The following SCAF11 variants were observed in gnomAD, a reference collection of about 807,000 sequenced individuals.
SCAF11 encodes the protein protein SCAF11.
A neutral mutation model predicts 140.5 loss-of-function variants in SCAF11; 47 were observed. The observed-to-expected ratio is 0.33, with a 90% CI of 0.26 to 0.43. The LOEUF (loss-of-function observed/expected upper bound fraction) is 0.43. SCAF11 is among the 20% of genes least tolerant of loss of function. The pLI is 1.00. For missense variants in SCAF11, 1,645 were observed against 1,705.1 expected (o/e 0.96, Z 0.62); for synonymous variants, 557 against 579.4 (o/e 0.96, Z 0.55).
chr12:45,934,558 A>C (rs750838811), intron 6 of SCAF11, 53 bp from the exon 7 acceptor site: 7 of 1,300,646 alleles, frequency 5.4e-6, no homozygotes, highest in Non-Finnish European at 7.3e-6. Flanking sequence ...TTTATTAAAA[A>C]GGCTGTAAAC....
At chr12:45,975,054 C>G (rs1271270301) in intron 1 of SCAF11, 1 of 152,154 alleles carries the variant, frequency 6.6e-6, no homozygotes, top group African/African-American at 2.4e-5. Context: ...TAAGTAAGTA[C>G]TATGTTGAAA....
Position 45,928,284 on chromosome 12 carries a change from A to AAG in SCAF11, c.1415_1416dup (p.Ser473LeufsTer14). 1 of 1,614,006 alleles carries AAG rather than the reference A, an allele frequency of 6.2e-7. No homozygotes were observed. The highest frequency in any genetic ancestry group is 8.5e-7 in the Non-Finnish European group (1 of 1,179,988). On this transcript the variant is annotated frameshift_variant, in exon 11 of 15. Coordinates refer to ENST00000369367, the MANE Select transcript of SCAF11 (RefSeq NM_004719.3). LOFTEE classifies it high-confidence loss of function. Reference sequence around the variant, plus strand: ...TCTTGAGCACAAGACTCAGAAGATGAAGATCCTACTCTTTCCTCTGTATCA... The same window carrying AAG: ...TCTTGAGCACAAGACTCAGAAGATGAAGAGATCCTACTCTTTCCTCTGTATCA...
At chr12:45,975,210 G>A (rs1047003904) in intron 1 of SCAF11, 4 of 152,094 alleles carry the variant, frequency 2.6e-5, no homozygotes, top group African/African-American at 9.7e-5. Flanking sequence ...TAAGAGTCCT[G>A]GAATTTTCAG....
At chr12:45,955,986 T>C (rs1455058674) in intron 3 of SCAF11, 7 of 646,920 alleles carry the variant, frequency 1.1e-5, no homozygotes, top group Middle Eastern at 2.5e-4. Flanking sequence ...GCAATTTTGA[T>C]AGAAAAAAAT....
chr12:45,971,814 A>C (rs1946080672), intron 1 of SCAF11, among the ~76,000 whole-genome samples: 2 of 152,098 alleles, frequency 1.3e-5, no homozygotes, highest in South Asian at 4.1e-4. Flanking sequence ...TAAAACTCTT[A>C]AGAAAAGAGA....
chr12:45,931,622 T>G lies in SCAF11; in HGVS notation c.735-10A>C. On this transcript the variant is annotated splice_polypyrimidine_tract_variant and intron_variant, in intron 9 of 14. Transcript: ENST00000369367. ...GGGTATAAAACCAATTCTGAAAACA[T>G]AATAAAGACATTTTTGTTTAAATGG... is the stretch of plus-strand genomic sequence containing the variant. The G allele has an allele frequency of 7.2e-7, 1 of 1,386,256 alleles. No homozygotes were observed. Among genetic ancestry groups the G allele is most frequent in the Non-Finnish European group, 9.7e-7 (1 of 1,028,536 alleles). 85.9% of individuals were successfully genotyped at this position (1,386,256 alleles called of 1,614,324 possible). A position where few individuals can be genotyped will look rare whatever the true frequency, so the allele number is the denominator to read the frequency against.
intron 1 of SCAF11, among the ~76,000 whole-genome samples, chr12:45,967,827 C>T (rs1226740760): frequency 1.3e-5 from 2 of 152,214 alleles, no homozygotes; most frequent in African/African-American, 2.4e-5. Flanking sequence ...AGTCCTAAGT[C>T]TCAGTTCAAC....
At chr12:45,955,114 T>C (rs1283552411) in intron 3 of SCAF11, 5 of 152,130 alleles carry the variant, frequency 3.3e-5, no homozygotes, top group East Asian at 1.9e-4. Flanking sequence ...AAAGATAATT[T>C]AGTTAACACC....
intron 11 of SCAF11, among the ~76,000 whole-genome samples, chr12:45,925,799 G>C (rs1043844669): frequency 1.3e-5 from 2 of 152,016 alleles, no homozygotes; most frequent in African/African-American, 2.4e-5. Context: ...TTATTTGTAT[G>C]AGAACAATTA....
intron 2 of SCAF11, among the ~76,000 whole-genome samples, chr12:45,962,629 C>A (rs1945855665): frequency 6.6e-6 from 1 of 152,116 alleles, no homozygotes. Context: ...AAGGATTGGT[C>A]AGCTGAAATG....
chr12:45,988,598 AATT>A (rs1294423553), intron 1 of SCAF11, among the ~76,000 whole-genome samples: 6 of 152,220 alleles, frequency 3.9e-5, no homozygotes, highest in Non-Finnish European at 8.8e-5. Context: ...AAAATTAAAA[AATT>A]ATCCGTAAAA....
At chr12:45,964,727 T>C (rs887147373) in intron 1 of SCAF11, among the ~76,000 whole-genome samples, 4 of 151,648 alleles carry the variant, frequency 2.6e-5, no homozygotes, top group African/African-American at 9.7e-5. Context: ...GCCTAAATGA[T>C]ATATTTTGTG....
At chr12:45,972,133 T>G (rs1162541561) in intron 1 of SCAF11, among the ~76,000 whole-genome samples, 1 of 152,042 alleles carries the variant, frequency 6.6e-6, no homozygotes, top group Non-Finnish European at 1.5e-5. Flanking sequence ...CCTCCACACA[T>G]GTCACAGACT....
Position 45,921,996 on chromosome 12 carries a change from G to A in SCAF11, c.*52C>T. ...TGATTTTCAGTTAATGGTACATGTT[G>A]AAATTGCACTTTGCAGATATCCTGA... On this transcript the variant is annotated 3_prime_UTR_variant, in exon 15 of 15. Coordinates refer to ENST00000369367, the MANE Select transcript of SCAF11 (RefSeq NM_004719.3). 6.4e-7 allele frequency: 1 copy of A among 1,562,700 alleles called. No homozygotes were observed. Among genetic ancestry groups the A allele is most frequent in the African/African-American group, 1.4e-5 (1 of 72,516 alleles).
rs1944693757 is a variant in SCAF11 at position 45,920,940 on chromosome 12, G to A, written c.*1108C>T. The A allele has an allele frequency of 6.6e-6, 1 of 152,138 alleles. No individual in the cohort carries two copies. The highest frequency in any genetic ancestry group is 2.4e-5 in the African/African-American group (1 of 41,438). The allele number at this position is 152,138 out of a possible 1,614,324, so 9.4% of individuals were successfully genotyped here. On this transcript the variant is annotated 3_prime_UTR_variant, in exon 15 of 15. Coordinates refer to ENST00000369367, the MANE Select transcript of SCAF11 (RefSeq NM_004719.3). ...AATTTATCGTCTGCAACGGGTAGAAGAAGATACTATGAAAGAACATAATTT... is the reference window on the plus strand; with the variant it reads ...AATTTATCGTCTGCAACGGGTAGAAAAAGATACTATGAAAGAACATAATTT...
intron 9 of SCAF11, 114 bp from the exon 10 acceptor site, chr12:45,931,726 G>A (rs1945049115): frequency 2.0e-6 from 1 of 489,146 alleles, no homozygotes; most frequent in South Asian, 5.0e-5. Context: ...GTGCTTAAAT[G>A]TTTTTTGCCC....
At chr12:45,940,453 C>T (rs1459659429) in intron 6 of SCAF11, among the ~76,000 whole-genome samples, 3 of 152,200 alleles carry the variant, frequency 2.0e-5, no homozygotes, top group Non-Finnish European at 4.4e-5. Flanking sequence ...CAATATCATG[C>T]TTTGGTATTA....
chr12:45,922,863 C>CAAT, intron 13 of SCAF11, 73 bp downstream of exon 13: 2 of 1,373,968 alleles, frequency 1.5e-6, no homozygotes, highest in South Asian at 2.4e-5. Context: ...ACCACTCATA[C>CAAT]AATAAAAAGC....
chr12:45,935,890 T>C (rs1447893510), intron 6 of SCAF11, among the ~76,000 whole-genome samples: 1 of 77,288 alleles, frequency 1.3e-5, no homozygotes, highest in Non-Finnish European at 3.1e-5. Flanking sequence ...TTCCTGAAGA[T>C]CGTTTCACAA....
Sources: allele counts gnomAD v4.1 joint callset (sites outside exome capture counted in the v4.1 genomes callset), GRCh38; gene constraint gnomAD v4.1.1; transcripts MANE v1.5; gene names NCBI Gene and HGNC (gene_info 2026-07-23, HGNC 2026-07-21).